GRB10: variants seen among roughly 807,000 people sequenced by gnomAD.
GRB10 encodes the protein growth factor receptor-bound protein 10.
Under a neutral mutation model 80.9 loss-of-function variants are expected in GRB10, and 20 were observed. The observed-to-expected ratio is 0.25, with a 90% CI of 0.17 to 0.36. The LOEUF is 0.36. Ranked by LOEUF, GRB10 falls within the 10% of genes least tolerant of loss-of-function variation. The pLI is 1.00. For synonymous variants in GRB10, 291 were observed against 291.5 expected (o/e 1.00, Z 0.02); for missense variants, 548 against 747.7 (o/e 0.73, Z 3.12).
At chr7:50,697,740 C>T (rs2063623809) in intron 5 of GRB10, among the ~76,000 whole-genome samples, 1 of 152,230 alleles carries the variant, frequency 6.6e-6, no homozygotes. Context: ...AAAGAATCCC[C>T]AAAGTTGAAC....
chr7:50,728,247 C>T (rs73349070), intron 4 of GRB10, among the ~76,000 whole-genome samples: 1,684 of 150,548 alleles, frequency 0.011, 33 homozygotes, highest in African/African-American at 0.035. Context: ...AAATGAAAAA[C>T]TACAGAATCA....
At chr7:50,652,057 G>A (rs2058060049) in intron 7 of GRB10, among the ~76,000 whole-genome samples, 1 of 152,150 alleles carries the variant, frequency 6.6e-6, no homozygotes, top group African/African-American at 2.4e-5. Context: ...GATCTATTCT[G>A]GAAATTGTAG....
At chr7:50,698,770 T>C (rs770974098) in intron 5 of GRB10, among the ~76,000 whole-genome samples, 23 of 152,270 alleles carry the variant, frequency 1.5e-4, no homozygotes, top group Non-Finnish European at 3.4e-4. Flanking sequence ...AAATTTGTCT[T>C]CAAATTCTTG....
intron 7 of GRB10, among the ~76,000 whole-genome samples, chr7:50,666,280 C>T (rs1472555914): frequency 6.6e-6 from 1 of 152,210 alleles, no homozygotes; most frequent in African/African-American, 2.4e-5. Flanking sequence ...CTCTTGGTCT[C>T]AGGGTCTGGC....
intron 11 of GRB10, among the ~76,000 whole-genome samples, chr7:50,615,794 A>T (rs868680402): frequency 6.6e-6 from 1 of 152,228 alleles, no homozygotes; most frequent in Non-Finnish European, 1.5e-5. Context: ...CTGGGGATAC[A>T]TGCAAGCCTG....
chr7:50,619,957 T>G (rs1165220070), intron 8 of GRB10, among the ~76,000 whole-genome samples: 1 of 152,154 alleles, frequency 6.6e-6, no homozygotes, highest in African/African-American at 2.4e-5. Flanking sequence ...CGCACACGCC[T>G]CCTTCACAGC....
intron 7 of GRB10, among the ~76,000 whole-genome samples, chr7:50,653,083 C>A (rs929693542): frequency 1.3e-5 from 2 of 152,184 alleles, no homozygotes; most frequent in African/African-American, 4.8e-5. Context: ...TATACCAGGG[C>A]CCACTTCACA....
chr7:50,772,996 TG>T (rs1262223266), intron 2 of GRB10, among the ~76,000 whole-genome samples: 1 of 152,182 alleles, frequency 6.6e-6, no homozygotes, highest in Non-Finnish European at 1.5e-5. Flanking sequence ...ATCAGAGAAC[TG>T]GGCAATTTAC....
intron 2 of GRB10, among the ~76,000 whole-genome samples, chr7:50,759,479 C>T (rs2286152): frequency 0.62 from 93,948 of 151,974 alleles, 31,936 homozygotes; most frequent in Middle Eastern, 0.87. Flanking sequence ...TATAAAATGG[C>T]GTAGTATTTG....
intron 3 of GRB10, among the ~76,000 whole-genome samples, chr7:50,751,609 GATGA>G (rs1478511728): frequency 6.6e-6 from 1 of 152,226 alleles, no homozygotes; most frequent in East Asian, 1.9e-4. Context: ...TGTGGGAAGT[GATGA>G]ATATTTTCAT....
intron 6 of GRB10, among the ~76,000 whole-genome samples, chr7:50,672,242 G>A (rs993949368): frequency 2.0e-5 from 3 of 152,134 alleles, no homozygotes; most frequent in African/African-American, 7.2e-5. Flanking sequence ...GTGACCTCTG[G>A]TACCCAGCAG....
intron 4 of GRB10, among the ~76,000 whole-genome samples, chr7:50,713,757 A>C (rs2066350052): frequency 1.3e-5 from 1 of 77,780 alleles, no homozygotes; most frequent in Non-Finnish European, 2.5e-5. Context: ...CTCCTCCACC[A>C]TCTCTATCCC....
intron 2 of GRB10, among the ~76,000 whole-genome samples, chr7:50,770,620 G>A (rs542979631): frequency 4.2e-4 from 64 of 152,262 alleles, no homozygotes; most frequent in Middle Eastern, 3.4e-3. Flanking sequence ...GCATTCCGTC[G>A]CGAATGCACA....
intron 7 of GRB10, among the ~76,000 whole-genome samples, chr7:50,642,577 T>C (rs571048437): frequency 1.3e-5 from 2 of 152,216 alleles, no homozygotes; most frequent in East Asian, 3.8e-4. Context: ...AATCTGACAC[T>C]TTTTAAGTGC....
intron 4 of GRB10, among the ~76,000 whole-genome samples, chr7:50,718,858 C>T (rs560374843): frequency 1.3e-5 from 2 of 152,098 alleles, no homozygotes; most frequent in South Asian, 2.1e-4. Flanking sequence ...CTTGTTGAAC[C>T]CCTCAAAATC....
chr7:50,726,001 T>C (rs2068581959), intron 4 of GRB10: 1 of 152,274 alleles, frequency 6.6e-6, no homozygotes, highest in African/African-American at 2.4e-5. Context: ...TGTGTGACCT[T>C]GGGCAACTTA....
intron 7 of GRB10, among the ~76,000 whole-genome samples, chr7:50,656,088 C>T (rs1033935499): frequency 2.0e-5 from 3 of 152,192 alleles, no homozygotes; most frequent in Admixed American, 6.5e-5. Flanking sequence ...GTAGAAACCA[C>T]CTAAAATCTA....
intron 1 of GRB10, among the ~76,000 whole-genome samples, chr7:50,788,082 C>G (rs1200154108): frequency 3.3e-5 from 5 of 152,206 alleles, no homozygotes; most frequent in Non-Finnish European, 7.3e-5. Context: ...GTACAAACTT[C>G]TGAATTTAAA....
intron 7 of GRB10, among the ~76,000 whole-genome samples, chr7:50,644,474 C>T (rs953340462): frequency 4.6e-5 from 7 of 152,198 alleles, no homozygotes; most frequent in Admixed American, 3.3e-4. Context: ...CAACCTGAAA[C>T]GCATGCAGTA....
Sources: gnomAD v4.1 joint callset for allele counts (sites outside exome capture counted in the v4.1 genomes callset) on GRCh38, gnomAD v4.1.1 for gene constraint, MANE v1.5 for transcripts, NCBI Gene and HGNC (gene_info 2026-07-23, HGNC 2026-07-21) for gene names.